The following PTPRG variants were observed in gnomAD, a reference collection of about 807,000 sequenced individuals.
PTPRG encodes receptor-type tyrosine-protein phosphatase gamma.
Under a neutral mutation model 165.3 loss-of-function variants are expected in PTPRG, and 102 were observed. The observed-to-expected ratio is 0.62, with a 90% CI of 0.53 to 0.73. The LOEUF (loss-of-function observed/expected upper bound fraction) is 0.73. PTPRG is among the 30% of genes least tolerant of loss of function. The pLI is 0.00. For synonymous variants in PTPRG, 675 were observed against 669.5 expected (o/e 1.01, Z -0.13); for missense variants, 1,866 against 1,861.4 (o/e 1.00, Z -0.05).
chr3:61,755,142 G>A (rs191977118), intron 2 of PTPRG, among the ~76,000 whole-genome samples: 1 of 152,152 alleles, frequency 6.6e-6, no homozygotes, highest in East Asian at 1.9e-4. Context: ...TGAGTGTCTG[G>A]GATTACAGGC....
At chr3:61,620,582 A>G in intron 1 of PTPRG, among the ~76,000 whole-genome samples, 1 of 152,148 alleles carries the variant, frequency 6.6e-6, no homozygotes. Context: ...TTCCAAAGTA[A>G]TGTCATTTGG....
intron 4 of PTPRG, among the ~76,000 whole-genome samples, chr3:62,057,578 A>G (rs1016571982): frequency 2.0e-5 from 3 of 152,206 alleles, no homozygotes; most frequent in African/African-American, 7.2e-5. Context: ...AAACTGAAAA[A>G]TGAACTCTGA....
At chr3:61,683,291 G>A (rs577985045) in intron 1 of PTPRG, among the ~76,000 whole-genome samples, 3 of 152,352 alleles carry the variant, frequency 2.0e-5, no homozygotes, top group Admixed American at 6.5e-5. Context: ...CAGCAGAGCC[G>A]AATGGCGTCA....
At chr3:62,263,406 G>A (rs1023892562) in intron 17 of PTPRG, 1 of 153,428 alleles carries the variant, frequency 6.5e-6, no homozygotes, top group African/African-American at 2.4e-5. Flanking sequence ...GGAATATTCT[G>A]TAGGTTAGGG....
At chr3:61,636,681 C>A (rs1701918054) in intron 1 of PTPRG, among the ~76,000 whole-genome samples, 1 of 152,202 alleles carries the variant, frequency 6.6e-6, no homozygotes, top group Non-Finnish European at 1.5e-5. Context: ...TATGGATATA[C>A]CACATTTTGT....
At chr3:62,290,301 T>C (rs1702835101) in intron 28 of PTPRG, among the ~76,000 whole-genome samples, 1 of 152,160 alleles carries the variant, frequency 6.6e-6, no homozygotes, top group East Asian at 1.9e-4. Context: ...TCCATCTATA[T>C]ATTCAGTGCA....
At chr3:62,241,914 A>G (rs1004529947) in intron 14 of PTPRG, among the ~76,000 whole-genome samples, 5 of 152,206 alleles carry the variant, frequency 3.3e-5, no homozygotes, top group African/African-American at 1.2e-4. Context: ...ACTCAACAAA[A>G]GCAGGTTTTC....
intron 10 of PTPRG, among the ~76,000 whole-genome samples, chr3:62,196,080 G>A (rs1291428320): frequency 1.3e-5 from 2 of 151,284 alleles, no homozygotes; most frequent in African/African-American, 4.8e-5. Flanking sequence ...GAGCCACCAC[G>A]CCCGGCAATG....
intron 4 of PTPRG, among the ~76,000 whole-genome samples, chr3:62,041,096 G>A (rs1178796851): frequency 6.6e-6 from 1 of 152,194 alleles, no homozygotes; most frequent in Non-Finnish European, 1.5e-5. Flanking sequence ...AATACCTGAT[G>A]CTTGTGGTGG....
At chr3:62,176,389 G>T (rs1308540426) in intron 8 of PTPRG, among the ~76,000 whole-genome samples, 1 of 152,160 alleles carries the variant, frequency 6.6e-6, no homozygotes, top group African/African-American at 2.4e-5. Context: ...GAGCTCAGAC[G>T]TGAACCAAGA....
At chr3:62,051,782 G>T (rs1352360480) in intron 4 of PTPRG, among the ~76,000 whole-genome samples, 4 of 152,200 alleles carry the variant, frequency 2.6e-5, no homozygotes, top group African/African-American at 9.6e-5. Context: ...GTTGCAGCCG[G>T]CGCCCTCATG....
chr3:61,742,553 C>T (rs2033035845), intron 1 of PTPRG: 17 of 1,593,936 alleles, frequency 1.1e-5, no homozygotes, highest in Non-Finnish European at 1.4e-5. Context: ...AAGTTGACAG[C>T]CAGGTGAATG....
chr3:61,942,935 A>AAGGC (rs113161697), intron 2 of PTPRG, among the ~76,000 whole-genome samples: 2 of 152,214 alleles, frequency 1.3e-5, no homozygotes, highest in African/African-American at 4.8e-5. Flanking sequence ...CAGTAGGAAG[A>AAGGC]AGGCTAGTAT....
chr3:62,277,896 C>T (rs1440869387), intron 26 of PTPRG, among the ~76,000 whole-genome samples: 3 of 152,088 alleles, frequency 2.0e-5, no homozygotes, highest in Non-Finnish European at 4.4e-5. Context: ...CTATTGATAT[C>T]ACCCTTCAAT....
intron 1 of PTPRG, chr3:61,743,193 C>T (rs2033070640): frequency 2.7e-6 from 2 of 732,996 alleles, no homozygotes; most frequent in African/African-American, 1.7e-5. Context: ...GAGGTAGGCT[C>T]AGTAGAAGTT....
intron 2 of PTPRG, among the ~76,000 whole-genome samples, chr3:61,804,356 T>G (rs1161341844): frequency 6.6e-6 from 1 of 152,202 alleles, no homozygotes; most frequent in Non-Finnish European, 1.5e-5. Flanking sequence ...GTATCCTCCT[T>G]ACTGGGATGT....
intron 5 of PTPRG, among the ~76,000 whole-genome samples, chr3:62,099,038 C>T (rs568276423): frequency 5.9e-5 from 9 of 152,180 alleles, no homozygotes; most frequent in African/African-American, 1.7e-4. Flanking sequence ...TGAAACAGGA[C>T]GTATCCCTGA....
chr3:61,995,740 CTT>C (rs1457525209), intron 3 of PTPRG, among the ~76,000 whole-genome samples: 6 of 137,656 alleles, frequency 4.4e-5, no homozygotes, highest in African/African-American at 1.6e-4. Flanking sequence ...TCCTTCCTTC[CTT>C]CCTTCCCTCC....
chr3:61,954,692 C>G (rs2039994134), intron 2 of PTPRG, among the ~76,000 whole-genome samples: 1 of 152,174 alleles, frequency 6.6e-6, no homozygotes, highest in Non-Finnish European at 1.5e-5. Context: ...AGATACTTCC[C>G]TTGCAAAACC....
Sources: allele counts gnomAD v4.1 joint callset (sites outside exome capture counted in the v4.1 genomes callset), GRCh38; gene constraint gnomAD v4.1.1; transcripts MANE v1.5; gene names NCBI Gene and HGNC (gene_info 2026-07-23, HGNC 2026-07-21).